SEMA4D: variants seen among roughly 807,000 people sequenced by gnomAD.
SEMA4D encodes semaphorin 4D, also known as semaphorin-4D.
In SEMA4D, 22 loss-of-function variants were observed where a neutral mutation model predicts 74.8. That is an observed-to-expected ratio of 0.29 (90% confidence interval 0.21 to 0.42). The LOEUF (loss-of-function observed/expected upper bound fraction) is 0.42, where lower values mean the gene tolerates loss of function less well. Ranked by LOEUF, SEMA4D falls within the 10% of genes least tolerant of loss-of-function variation. The pLI, the probability that SEMA4D is intolerant of heterozygous loss-of-function variation, is 1.00. For synonymous variants in SEMA4D, 445 were observed against 463.7 expected (o/e 0.96, Z 0.52); for missense variants, 937 against 1,118.4 (o/e 0.84, Z 2.31).
intron 2 of SEMA4D, among the ~76,000 whole-genome samples, chr9:89,438,704 C>G (rs1022337836): frequency 2.6e-5 from 4 of 151,944 alleles, no homozygotes; most frequent in Non-Finnish European, 5.9e-5. Context: ...CTCGCTCTGT[C>G]GCCCAGGCTG....
chr9:89,392,359 A>G, intron 8 of SEMA4D, 64 bp downstream of exon 8: 1 of 1,253,782 alleles, frequency 8.0e-7, no homozygotes, highest in Non-Finnish European at 1.2e-6. Flanking sequence ...AAAAGGAGAG[A>G]TCAACAGGTG....
At chr9:89,369,708 G>A (rs1157730863) in intron 16 of SEMA4D, among the ~76,000 whole-genome samples, 1 of 152,238 alleles carries the variant, frequency 6.6e-6, no homozygotes, top group Non-Finnish European at 1.5e-5. Context: ...AGGAACTTGG[G>A]TTCATCAGTT....
At chr9:89,486,806 C>A (rs1212127231) in intron 1 of SEMA4D, among the ~76,000 whole-genome samples, 1 of 152,116 alleles carries the variant, frequency 6.6e-6, no homozygotes, top group Non-Finnish European at 1.5e-5. Flanking sequence ...ACTCTGGAGG[C>A]TGAGGCAGGA....
At chr9:89,419,079 C>T (rs1846351744) in intron 2 of SEMA4D, among the ~76,000 whole-genome samples, 1 of 150,876 alleles carries the variant, frequency 6.6e-6, no homozygotes, top group Non-Finnish European at 1.5e-5. Flanking sequence ...ACACGGCCAT[C>T]CAGGCACACA....
chr9:89,385,366 T>C (rs1270572716), intron 13 of SEMA4D: 12 of 985,320 alleles, frequency 1.2e-5, no homozygotes, highest in African/African-American at 1.7e-5. Context: ...CTGAGGCCAC[T>C]GAACAGCACG....
chr9:89,436,618 C>G (rs369756738), intron 2 of SEMA4D: 1 of 152,518 alleles, frequency 6.6e-6, no homozygotes, highest in South Asian at 2.1e-4. Context: ...TTTTAAACAG[C>G]GGGGCTGTTC....
chr9:89,363,796 G>A, exon 17 of SEMA4D: 2 of 1,613,940 alleles, frequency 1.2e-6, no homozygotes, highest in African/African-American at 1.3e-5. Flanking sequence ...CTGAGGAGAG[G>A]ACAGAGCAGC....
At chr9:89,371,405 CT>C (rs1834725136) in intron 16 of SEMA4D, among the ~76,000 whole-genome samples, 1 of 36,616 alleles carries the variant, frequency 2.7e-5, no homozygotes, top group Admixed American at 4.0e-4. Context: ...TGGTGTGTGT[CT>C]GGGGTGTGGT....
At chr9:89,497,122 C>A (rs948355485) in intron 1 of SEMA4D, among the ~76,000 whole-genome samples, 7 of 152,214 alleles carry the variant, frequency 4.6e-5, no homozygotes, top group Admixed American at 2.6e-4. Flanking sequence ...CACCTACCCC[C>A]CAAAATACTA....
chr9:89,455,547 C>T (rs1855732773), intron 2 of SEMA4D, among the ~76,000 whole-genome samples: 1 of 152,212 alleles, frequency 6.6e-6, no homozygotes, highest in Non-Finnish European at 1.5e-5. Context: ...TGGGGCCCTT[C>T]CCTTCCTGCC....
intron 1 of SEMA4D, among the ~76,000 whole-genome samples, chr9:89,496,439 G>A (rs1282920934): frequency 1.3e-5 from 2 of 152,188 alleles, no homozygotes; most frequent in African/African-American, 4.8e-5. Flanking sequence ...TGGCACCAGT[G>A]ATGTGTTTCT....
intron 6 of SEMA4D, among the ~76,000 whole-genome samples, chr9:89,394,132 A>G (rs2133288994): frequency 6.6e-6 from 1 of 152,332 alleles, no homozygotes; most frequent in South Asian, 2.1e-4. Flanking sequence ...CCACCAAAAC[A>G]CACTCCAGAT....
At chr9:89,458,714 C>T (rs1187960529) in intron 1 of SEMA4D, among the ~76,000 whole-genome samples, 1 of 151,940 alleles carries the variant, frequency 6.6e-6, no homozygotes, top group Non-Finnish European at 1.5e-5. Context: ...TATATACATC[C>T]AAACACGCAC....
At chr9:89,416,281 G>A (rs187038986) in intron 2 of SEMA4D, among the ~76,000 whole-genome samples, 18 of 152,286 alleles carry the variant, frequency 1.2e-4, no homozygotes, top group African/African-American at 3.6e-4. Flanking sequence ...CGTGCAAAGC[G>A]ACACGTGGGA....
intron 2 of SEMA4D, among the ~76,000 whole-genome samples, chr9:89,433,629 A>G (rs961065776): frequency 6.6e-6 from 1 of 152,178 alleles, no homozygotes; most frequent in Non-Finnish European, 1.5e-5. Flanking sequence ...CCACCCCTGC[A>G]TGTAGCCGAG....
At chr9:89,391,636 A>G (rs919278533) in intron 8 of SEMA4D, among the ~76,000 whole-genome samples, 1 of 152,230 alleles carries the variant, frequency 6.6e-6, no homozygotes, top group African/African-American at 2.4e-5. Context: ...CCTCGGCCTC[A>G]GAGAGGTGCC....
Position 89,477,314 on chromosome 9 carries a change from C to CCA in SEMA4D, c.-310+20603_-310+20604dup, listed in dbSNP as rs1192442467. ...CACATACACACATGCATGCACCCCC[C>CCA]CACACACACACAAACACACACGGCC... On this transcript the variant is annotated intron_variant, in intron 1 of 15. Coordinates refer to ENST00000422704, the MANE Select transcript of SEMA4D (RefSeq NM_001371194.2). Among the ~76,000 whole-genome samples, 7 of 151,790 alleles carry CCA rather than the reference C, an allele frequency of 4.6e-5. No individual in the cohort carries two copies. The East Asian group carries it at 7.7e-4, about 17-fold the overall frequency.
intron 2 of SEMA4D, chr9:89,418,579 T>G (rs192316417): frequency 3.7e-4 from 98 of 265,876 alleles, no homozygotes; most frequent in Admixed American, 1.9e-3. Flanking sequence ...TCATCTTCCT[T>G]TATTTTTGGA....
chr9:89,467,703 T>A (rs1859121291), intron 1 of SEMA4D, among the ~76,000 whole-genome samples: 1 of 152,120 alleles, frequency 6.6e-6, no homozygotes, highest in African/African-American at 2.4e-5. Context: ...AGCTAATTTT[T>A]GTATTTTTAG....
Sources: allele counts gnomAD v4.1 joint callset (sites outside exome capture counted in the v4.1 genomes callset), GRCh38; gene constraint gnomAD v4.1.1; transcripts MANE v1.5; gene names NCBI Gene and HGNC (gene_info 2026-07-23, HGNC 2026-07-21).